Variants in KCNAB1 observed in about 807,000 individuals in gnomAD.
KCNAB1 encodes the protein voltage-gated potassium channel subunit beta-1.
In KCNAB1, 35 loss-of-function variants were observed where a neutral mutation model predicts 64.6. The observed-to-expected ratio is 0.54, with a 90% CI of 0.41 to 0.72. The LOEUF is 0.72. Ranked by LOEUF, KCNAB1 falls within the 30% of genes least tolerant of loss-of-function variation. The pLI is 0.00. For missense variants in KCNAB1, 401 were observed against 512.9 expected, an observed-to-expected ratio of 0.78 and a Z score of 2.11; for synonymous variants, 177 against 183.8, an observed-to-expected ratio of 0.96 and a Z score of 0.30.
At chr3:156,349,501 A>C (rs1724717251) in intron 1 of KCNAB1, among the ~76,000 whole-genome samples, 1 of 152,026 alleles carries the variant, frequency 6.6e-6, no homozygotes, top group Non-Finnish European at 1.5e-5. Context: ...CTACTTTTCT[A>C]TTTTTCTTTT....
At chr3:156,232,333 T>G (rs181643556) in intron 1 of KCNAB1, among the ~76,000 whole-genome samples, 4 of 152,196 alleles carry the variant, frequency 2.6e-5, no homozygotes, top group African/African-American at 9.7e-5. Context: ...TTCTGATAAA[T>G]ATTAATTTGC....
intron 1 of KCNAB1, among the ~76,000 whole-genome samples, chr3:156,262,592 G>A (rs943940923): frequency 2.6e-5 from 4 of 151,614 alleles, no homozygotes; most frequent in Non-Finnish European, 5.9e-5. Flanking sequence ...ATTTTGTTAA[G>A]GATTTTTACA....
intron 2 of KCNAB1, among the ~76,000 whole-genome samples, chr3:156,432,007 A>G (rs1576856647): frequency 6.6e-6 from 1 of 152,156 alleles, no homozygotes; most frequent in East Asian, 1.9e-4. Flanking sequence ...AATCCATCCA[A>G]ACTGCATTCT....
intron 2 of KCNAB1, among the ~76,000 whole-genome samples, chr3:156,433,492 A>G (rs1009943185): frequency 6.6e-6 from 1 of 152,188 alleles, no homozygotes; most frequent in African/African-American, 2.4e-5. Flanking sequence ...GGCTTCCTGG[A>G]GGAAGAGTAG....
At chr3:156,209,668 A>T (rs1576607766) in intron 1 of KCNAB1, among the ~76,000 whole-genome samples, 1 of 152,366 alleles carries the variant, frequency 6.6e-6, no homozygotes, top group African/African-American at 2.4e-5. Flanking sequence ...AGATGTCTGG[A>T]AAATTCCACC....
chr3:156,399,655 ACT>A (rs1327390989), intron 1 of KCNAB1, among the ~76,000 whole-genome samples: 2 of 152,130 alleles, frequency 1.3e-5, no homozygotes, highest in Admixed American at 1.3e-4. Context: ...AGAGATGGAA[ACT>A]CATACTGAAC....
At position 156,409,868 on chromosome 3, in the gene KCNAB1, G is replaced by A. The variant is rs16826102; in HGVS notation, c.276-11748G>A. ...AAGATAAACTAAAACCAGAACTCTA[G>A]CCTGACCAAGCATTAGTCATTTATA... On this transcript the variant is annotated intron_variant, in intron 1 of 13. Transcript: ENST00000490337. Among the ~76,000 whole-genome samples the A allele has an allele frequency of 3.2e-3, 481 of 152,284 alleles. 5 individuals are homozygous for A. The highest frequency in any genetic ancestry group is 0.011 in the African/African-American group (463 of 41,554).
chr3:156,517,337 T>C (rs951212500), intron 11 of KCNAB1, among the ~76,000 whole-genome samples: 3 of 152,248 alleles, frequency 2.0e-5, no homozygotes, highest in African/African-American at 7.2e-5. Context: ...GTGTAACAGT[T>C]GAGCTTTTGC....
At chr3:156,447,807 A>G (rs745717786) in intron 2 of KCNAB1, among the ~76,000 whole-genome samples, 13 of 152,370 alleles carry the variant, frequency 8.5e-5, no homozygotes, top group Non-Finnish European at 1.5e-4. Flanking sequence ...GATCTATTGT[A>G]TTAGTACTGT....
At chr3:156,500,010 C>T (rs181774513) in intron 8 of KCNAB1, among the ~76,000 whole-genome samples, 2 of 152,282 alleles carry the variant, frequency 1.3e-5, no homozygotes, top group Admixed American at 1.3e-4. Flanking sequence ...GCCAGTTGAC[C>T]CAGAGGAAGA....
At chr3:156,149,525 G>A (rs1301401043) in intron 1 of KCNAB1, among the ~76,000 whole-genome samples, 1 of 152,072 alleles carries the variant, frequency 6.6e-6, no homozygotes, top group African/African-American at 2.4e-5. Context: ...GAGATAAGTA[G>A]GAACAATTTT....
intron 1 of KCNAB1, among the ~76,000 whole-genome samples, chr3:156,305,000 G>T (rs1453718014): frequency 6.6e-6 from 1 of 151,984 alleles, no homozygotes; most frequent in Non-Finnish European, 1.5e-5. Context: ...GGTCATAGGG[G>T]TGAATGGCTC....
intron 1 of KCNAB1, chr3:156,291,813 TAAAAG>T (rs1388823796): frequency 8.8e-6 from 14 of 1,582,958 alleles, no homozygotes; most frequent in Non-Finnish European, 1.1e-5. Flanking sequence ...AAGGAGGGCT[TAAAAG>T]AAAAGCAGAA....
chr3:156,451,616 C>T (rs929159989), intron 2 of KCNAB1, among the ~76,000 whole-genome samples: 1 of 152,114 alleles, frequency 6.6e-6, no homozygotes, highest in Non-Finnish European at 1.5e-5. Flanking sequence ...ACTGTTATTA[C>T]AAAATGCAAA....
At chr3:156,194,998 A>G (rs1713810457) in intron 1 of KCNAB1, among the ~76,000 whole-genome samples, 4 of 150,794 alleles carry the variant, frequency 2.7e-5, no homozygotes, top group Admixed American at 2.6e-4. Flanking sequence ...ATGTGTTCTT[A>G]TTGTTTAACT....
chr3:156,291,297 C>T (rs1720395050), intron 1 of KCNAB1: 3 of 989,844 alleles, frequency 3.0e-6, no homozygotes, highest in Non-Finnish European at 3.6e-6. Flanking sequence ...CCCACGTCCT[C>T]CCGGAGCGGA....
intron 2 of KCNAB1, chr3:156,446,182 A>G (rs1011695318): frequency 1.3e-5 from 2 of 152,188 alleles, no homozygotes; most frequent in Admixed American, 1.3e-4. Context: ...TCAAAGGAGA[A>G]CATGCTCACC....
chr3:156,313,141 A>G (rs1030174080), intron 1 of KCNAB1, among the ~76,000 whole-genome samples: 1 of 152,226 alleles, frequency 6.6e-6, no homozygotes, highest in African/African-American at 2.4e-5. Context: ...ATGAAATCCA[A>G]TGAAAGAATT....
chr3:156,428,502 C>CAT (rs1559879659), intron 2 of KCNAB1, among the ~76,000 whole-genome samples: 1 of 150,038 alleles, frequency 6.7e-6, no homozygotes, highest in Non-Finnish European at 1.5e-5. Context: ...CACACACACA[C>CAT]ACACACACAC....
Sources: gnomAD v4.1 joint callset for allele counts (sites outside exome capture counted in the v4.1 genomes callset) on GRCh38, gnomAD v4.1.1 for gene constraint, MANE v1.5 for transcripts, NCBI Gene and HGNC (gene_info 2026-07-23, HGNC 2026-07-21) for gene names.